The following NPY2R variants were observed in gnomAD, a reference collection of about 807,000 sequenced individuals.
NPY2R encodes neuropeptide Y receptor type 2.
A neutral mutation model predicts 22.3 loss-of-function variants in NPY2R; 17 were observed. The ratio of observed to expected loss-of-function variants is 0.76; its 90% CI spans 0.52 to 1.14. The LOEUF is 1.14. Ranked by LOEUF, NPY2R falls within the 50% of genes most tolerant of loss-of-function variation. The pLI, the probability that NPY2R is intolerant of heterozygous loss-of-function variation, is 0.00. For synonymous variants in NPY2R, 209 were observed against 183.4 expected, an observed-to-expected ratio of 1.14 and a Z score of -1.13; for missense variants, 424 against 467.9, an observed-to-expected ratio of 0.91 and a Z score of 0.87.
chr4:155,193,481 A>T, the NPY2R span, among the ~76,000 whole-genome samples: 1 of 151,934 alleles, frequency 6.6e-6, no homozygotes, highest in South Asian at 2.1e-4. Flanking sequence ...GAGAAATGGG[A>T]TCCAAGGAGA....
chr4:155,192,273 G>C, the NPY2R span, among the ~76,000 whole-genome samples: 4 of 151,744 alleles, frequency 2.6e-5, no homozygotes, highest in African/African-American at 9.7e-5. Context: ...ATTTAAGAAG[G>C]CATAAACAGT....
upstream of NPY2R, chr4:155,208,404 C>T (rs1206676031): frequency 6.6e-6 from 1 of 152,340 alleles, no homozygotes; most frequent in Non-Finnish European, 1.5e-5. The surrounding 1 kb of genome is among the most constrained non-coding windows in gnomAD (Gnocchi z 5.6). Flanking sequence ...GCCTCAAGTC[C>T]AGGAGGTCTG....
chr4:155,187,564 G>A, the NPY2R span, among the ~76,000 whole-genome samples: 1 of 152,162 alleles, frequency 6.6e-6, no homozygotes, highest in Non-Finnish European at 1.5e-5. Flanking sequence ...GAGAGAGAGA[G>A]AGAGAGTCTT....
chr4:155,215,153 C>A lies in NPY2R; in HGVS notation c.*68C>A. 7.1e-7 allele frequency: 1 copy of A among 1,410,838 alleles called. No homozygotes were observed. Among genetic ancestry groups the A allele is most frequent in the Non-Finnish European group, 1.0e-6 (1 of 999,054 alleles). 87.4% of individuals were successfully genotyped at this position (1,410,838 alleles called of 1,614,324 possible). On this transcript the variant is annotated 3_prime_UTR_variant, in exon 2 of 2. Transcript: ENST00000329476. Reference sequence around the variant, plus strand: ...GCTATGAATCTGGTTGATGGCGGCTCACAAGTGAAAACTGATTTCCCATTT... The same window carrying A: ...GCTATGAATCTGGTTGATGGCGGCTAACAAGTGAAAACTGATTTCCCATTT...
chr4:155,177,101 C>T, the NPY2R span, among the ~76,000 whole-genome samples: 1 of 152,188 alleles, frequency 6.6e-6, no homozygotes, highest in Non-Finnish European at 1.5e-5. Flanking sequence ...TCATGTCCTT[C>T]TCACATACAA....
the NPY2R span, among the ~76,000 whole-genome samples, chr4:155,199,513 A>G: frequency 6.6e-6 from 1 of 152,144 alleles, no homozygotes; most frequent in East Asian, 1.9e-4. Context: ...TAGAAAAAAA[A>G]CTACTTTAAA....
chr4:155,175,653 T>A, the NPY2R span, among the ~76,000 whole-genome samples: 6 of 152,178 alleles, frequency 3.9e-5, no homozygotes, highest in Non-Finnish European at 5.9e-5. Flanking sequence ...TATTCTCAAG[T>A]GTAGTGTCAA....
chr4:155,216,673 T>C lies in NPY2R; in HGVS notation c.*1588T>C, dbSNP rs1729523533. 6.0e-6 allele frequency: 1 copy of C among 167,074 alleles called. No homozygotes were observed. The highest frequency in any genetic ancestry group is 2.1e-4 in the South Asian group (1 of 4,830). The allele number at this position is 167,074 out of a possible 1,614,324, so 10.3% of individuals were successfully genotyped here. On this transcript the variant is annotated 3_prime_UTR_variant, in exon 2 of 2. Coordinates refer to ENST00000329476, the MANE Select transcript of NPY2R (RefSeq NM_000910.4). ...GGACTGGTTTTTAAGTGCACTGCAC[T>C]TCTGGAATACTGAAAAAGAATGAAA...
Position 155,214,734 on chromosome 4 carries a change from A to G in NPY2R, c.795A>G (p.Lys265=). Residue 265 remains lysine, a synonymous_variant, in exon 2 of 2, where the codon AAA becomes AAG. Coordinates refer to ENST00000329476, the MANE Select transcript of NPY2R (RefSeq NM_000910.4). ...ANDHYHQRRQ[K]TTKMLVCVVV... ...ACCACTACCATCAGCGAAGGCAAAA[A>G]ACCACCAAAATGCTGGTGTGTGTGG... The G allele has an allele frequency of 6.2e-7, 1 of 1,614,156 alleles. No individual in the cohort carries two copies. Among genetic ancestry groups the G allele is most frequent in the Non-Finnish European group, 8.5e-7 (1 of 1,180,030 alleles).
the NPY2R span, among the ~76,000 whole-genome samples, chr4:155,176,531 T>C: frequency 6.6e-6 from 1 of 152,264 alleles, no homozygotes; most frequent in South Asian, 2.1e-4. Context: ...TTCTTCTGTT[T>C]ACATGATAAA....
rs569808445 is a variant in NPY2R, at chr4:155,214,660, C to G, written c.721C>G (p.Arg241Gly). The G allele has an allele frequency of 1.2e-6, 2 of 1,614,070 alleles. No individual in the cohort carries two copies. The highest frequency in any genetic ancestry group is 4.5e-5 in the East Asian group (2 of 44,892). ...PLGIISFSYT[R>G]IWSKLKNHVS... ...GGGCATTATATCATTTTCCTACACT[C>G]GCATTTGGAGTAAATTGAAGAACCA... Residue 241 changes from arginine to glycine, a missense_variant, in exon 2 of 2, where the codon CGC becomes GGC. Arg to Gly is a moderately radical substitution (Grantham distance 125). Transcript: ENST00000329476.
At chr4:155,178,237 G>A in the NPY2R span, among the ~76,000 whole-genome samples, 1 of 152,224 alleles carries the variant, frequency 6.6e-6, no homozygotes, top group African/African-American at 2.4e-5. Context: ...TGAATGTCAG[G>A]GGAAGATGAA....
At chr4:155,204,848 T>A (rs1021830974), upstream of NPY2R, among the ~76,000 whole-genome samples, 1 of 123,672 alleles carries the variant, frequency 8.1e-6, no homozygotes, top group Non-Finnish European at 1.6e-5. Context: ...TGGTTACAGT[T>A]GTCATTCTGT....
chr4:155,188,317 A>G, the NPY2R span, among the ~76,000 whole-genome samples: 1 of 152,034 alleles, frequency 6.6e-6, no homozygotes, highest in Non-Finnish European at 1.5e-5. Flanking sequence ...AGTTTTTGAG[A>G]TCTTCTTTCT....
the NPY2R span, among the ~76,000 whole-genome samples, chr4:155,199,594 A>G: frequency 0.084 from 12,842 of 152,228 alleles, 860 homozygotes; most frequent in South Asian, 0.29. Flanking sequence ...AACTGGAGGC[A>G]TCATACTACC....
At chr4:155,179,853 G>A in the NPY2R span, among the ~76,000 whole-genome samples, 1 of 149,770 alleles carries the variant, frequency 6.7e-6, no homozygotes, top group Non-Finnish European at 1.5e-5. Flanking sequence ...TAAGACCAGT[G>A]GAAGAATCTC....
At chr4:155,198,475 C>A in the NPY2R span, among the ~76,000 whole-genome samples, 1 of 130,688 alleles carries the variant, frequency 7.7e-6, no homozygotes, top group East Asian at 2.5e-4. Context: ...AAGTAATATG[C>A]CTATGATATA....
chr4:155,176,133 T>G, the NPY2R span, among the ~76,000 whole-genome samples: 1 of 152,178 alleles, frequency 6.6e-6, no homozygotes, highest in Non-Finnish European at 1.5e-5. Context: ...GTTTGCTTCC[T>G]TACCCCTCTC....
the NPY2R span, among the ~76,000 whole-genome samples, chr4:155,175,757 G>A: frequency 6.6e-6 from 1 of 151,704 alleles, no homozygotes; most frequent in East Asian, 1.9e-4. Flanking sequence ...CCAAGTGATA[G>A]TGGTTAAACT....
Sources: allele counts gnomAD v4.1 joint callset (sites outside exome capture counted in the v4.1 genomes callset), GRCh38; gene constraint gnomAD v4.1.1; non-coding constraint Gnocchi (gnomAD v3.1); transcripts MANE v1.5; gene names NCBI Gene and HGNC (gene_info 2026-07-23, HGNC 2026-07-21).